The following PGM5 variants were observed in gnomAD, a reference collection of about 807,000 sequenced individuals.
PGM5 encodes the protein phosphoglucomutase 5.
A neutral mutation model predicts 59.2 loss-of-function variants in PGM5; 23 were observed. That is an observed-to-expected ratio of 0.39 (90% CI 0.28 to 0.55). The LOEUF (loss-of-function observed/expected upper bound fraction) is 0.55. Ranked by LOEUF, PGM5 falls within the 20% of genes least tolerant of loss-of-function variation. PGM5 has a pLI of 0.66. For synonymous variants in PGM5, 214 were observed against 286.0 expected, an observed-to-expected ratio of 0.75 and a Z score of 2.54; for missense variants, 574 against 748.3, an observed-to-expected ratio of 0.77 and a Z score of 2.72.
At chr9:68,452,823 G>A (rs576955735) in intron 6 of PGM5, among the ~76,000 whole-genome samples, 1 of 152,194 alleles carries the variant, frequency 6.6e-6, no homozygotes, top group Non-Finnish European at 1.5e-5. Flanking sequence ...CCTGGAGGAG[G>A]GGTATCTCTG....
intron 10 of PGM5, among the ~76,000 whole-genome samples, chr9:68,508,060 G>A (rs1178265649): frequency 6.6e-6 from 1 of 152,160 alleles, no homozygotes; most frequent in Non-Finnish European, 1.5e-5. Flanking sequence ...TCAAGGTACT[G>A]AGTATGTGAA....
chr9:68,475,397 A>C (rs1008812639), intron 7 of PGM5, among the ~76,000 whole-genome samples: 33 of 151,990 alleles, frequency 2.2e-4, no homozygotes, highest in African/African-American at 8.0e-4. Flanking sequence ...AAAATATTTA[A>C]AAGGAAAGAG....
intron 1 of PGM5, among the ~76,000 whole-genome samples, chr9:68,363,771 A>C (rs1261757072): frequency 6.6e-6 from 1 of 152,278 alleles, no homozygotes; most frequent in Admixed American, 6.5e-5. Flanking sequence ...GTTGGAGGGC[A>C]GATGCGTTAG....
At chr9:68,362,932 A>G (rs1490612976) in intron 1 of PGM5, among the ~76,000 whole-genome samples, 1 of 144,428 alleles carries the variant, frequency 6.9e-6, no homozygotes, top group African/African-American at 2.6e-5. Context: ...GCAGTGGCAC[A>G]ATCTTGGCTC....
chr9:68,518,112 T>A (rs1215861931), intron 10 of PGM5, among the ~76,000 whole-genome samples: 2 of 152,232 alleles, frequency 1.3e-5, no homozygotes, highest in Non-Finnish European at 2.9e-5. Context: ...CATTTTCGTG[T>A]GGCCAAAAGA....
intron 10 of PGM5, among the ~76,000 whole-genome samples, chr9:68,501,350 A>T (rs1384748383): frequency 2.0e-5 from 3 of 152,248 alleles, no homozygotes; most frequent in Non-Finnish European, 2.9e-5. Flanking sequence ...GATATAACAT[A>T]GAGTAAGATT....
At chr9:68,372,870 A>G (rs868958942) in intron 1 of PGM5, among the ~76,000 whole-genome samples, 145 of 152,148 alleles carry the variant, frequency 9.5e-4, no homozygotes, top group African/African-American at 3.3e-3. Context: ...AAACAAGCAG[A>G]TCTCATGTAA....
chr9:68,508,130 G>A (rs782634457), intron 10 of PGM5, among the ~76,000 whole-genome samples: 4 of 152,092 alleles, frequency 2.6e-5, no homozygotes, highest in Non-Finnish European at 2.9e-5. Flanking sequence ...GACTGCCACC[G>A]TGAACCACTC....
chr9:68,390,524 G>C (rs1822337976), intron 4 of PGM5, among the ~76,000 whole-genome samples: 1 of 152,152 alleles, frequency 6.6e-6, no homozygotes, highest in Non-Finnish European at 1.5e-5. Context: ...GCTGTATCCA[G>C]AGGAAGAGGA....
intron 2 of PGM5, among the ~76,000 whole-genome samples, chr9:68,381,659 C>CAA (rs1822077547): frequency 1.3e-5 from 2 of 149,382 alleles, no homozygotes; most frequent in East Asian, 3.9e-4. Flanking sequence ...CACACACACA[C>CAA]AAACACACAC....
At chr9:68,411,629 T>C (rs1292963489) in intron 6 of PGM5, among the ~76,000 whole-genome samples, 2 of 152,110 alleles carry the variant, frequency 1.3e-5, no homozygotes, top group Non-Finnish European at 2.9e-5. Context: ...TAAACATTTA[T>C]TGAAAACCTT....
chr9:68,468,344 G>A (rs368084203), intron 7 of PGM5, among the ~76,000 whole-genome samples: 2 of 152,054 alleles, frequency 1.3e-5, no homozygotes, highest in Admixed American at 6.5e-5. Flanking sequence ...CAATAATTCT[G>A]CCACTAGTTA....
chr9:68,359,655 T>C (rs1834540412), intron 1 of PGM5, among the ~76,000 whole-genome samples: 1 of 152,246 alleles, frequency 6.6e-6, no homozygotes, highest in African/African-American at 2.4e-5. Flanking sequence ...ATACTGAACT[T>C]GGATCCCAAA....
At chr9:68,358,637 C>T (rs1472964215) in intron 1 of PGM5, among the ~76,000 whole-genome samples, 1 of 152,024 alleles carries the variant, frequency 6.6e-6, no homozygotes, top group East Asian at 1.9e-4. Context: ...CCTTCCCAAC[C>T]CTCTCCTTTT....
chr9:68,510,207 A>AG (rs1824726767), intron 10 of PGM5, among the ~76,000 whole-genome samples: 1 of 132,894 alleles, frequency 7.5e-6, no homozygotes, highest in South Asian at 2.3e-4. Context: ...GCTGGAGTGC[A>AG]GTGGCGCAAT....
intron 2 of PGM5, among the ~76,000 whole-genome samples, chr9:68,383,521 G>A (rs1432812341): frequency 2.0e-5 from 3 of 151,724 alleles, no homozygotes; most frequent in Admixed American, 2.0e-4. Flanking sequence ...TATTGTATTG[G>A]ACAATGCAGT....
chr9:68,465,466 G>T lies in PGM5; in HGVS notation c.1159+258G>T, dbSNP rs540485719. 2.6e-3 allele frequency among the ~76,000 whole-genome samples: 399 copies of T among 152,054 alleles called. 1 individual carries two copies. The highest frequency in any genetic ancestry group is 4.8e-3 in the Admixed American group (74 of 15,260). Reference sequence around the variant, plus strand: ...AGTGTATAAGAGTAGAGAGAATATCGCATTGAATCCCCATGTTACTGTCAC... The same window carrying T: ...AGTGTATAAGAGTAGAGAGAATATCTCATTGAATCCCCATGTTACTGTCAC... On this transcript the variant is annotated intron_variant, in intron 7 of 10. Transcript: ENST00000396396.
rs148668168 is a variant in PGM5 at position 68,370,881 on chromosome 9, C to T, written c.262-7318C>T. ...TCCTTTCTACTATGTCTTGGTTTCC[C>T]CAAGCATTTAGAAGTCATGGCTAGG... On this transcript the variant is annotated intron_variant, in intron 1 of 10. Coordinates refer to ENST00000396396, the MANE Select transcript of PGM5 (RefSeq NM_021965.4). 3.0e-3 allele frequency among the ~76,000 whole-genome samples: 462 copies of T among 152,218 alleles called. 4 individuals carry two copies. Among genetic ancestry groups the T allele is most frequent in the African/African-American group, 0.01 (434 of 41,522 alleles).
chr9:68,389,646 T>C (rs1171355860), intron 4 of PGM5, among the ~76,000 whole-genome samples: 5 of 152,120 alleles, frequency 3.3e-5, no homozygotes, highest in African/African-American at 1.2e-4. Flanking sequence ...ATCCATTAAC[T>C]GGTTAATGAA....
Sources: allele counts gnomAD v4.1 joint callset (sites outside exome capture counted in the v4.1 genomes callset), GRCh38; gene constraint gnomAD v4.1.1; transcripts MANE v1.5; gene names NCBI Gene and HGNC (gene_info 2026-07-23, HGNC 2026-07-21).